Variants in ADGRB2 observed in about 807,000 individuals in gnomAD.
ADGRB2 encodes brain-specific angiogenesis inhibitor 2.
ADGRB2 carries 47 observed loss-of-function variants against 178.7 expected under a neutral mutation model. The observed-to-expected ratio is 0.26, with a 90% CI of 0.21 to 0.34. The LOEUF (loss-of-function observed/expected upper bound fraction) is 0.34. ADGRB2 is among the 10% of genes least tolerant of loss of function. The pLI is 1.00. For missense variants in ADGRB2, 1,584 were observed against 2,180.8 expected, an observed-to-expected ratio of 0.73 and a Z score of 5.45; for synonymous variants, 870 against 912.4, an observed-to-expected ratio of 0.95 and a Z score of 0.84.
Position 31,761,917 on chromosome 1 carries a change from G to A in ADGRB2, c.-191+1967C>T, listed in dbSNP as rs1165053311. ...AACTTCATTCTCCCAACAGCTATAT[G>A]AGGCAGTGATCACTGACCCATTTTA... On this transcript the variant is annotated intron_variant, in intron 1 of 32. Transcript: ENST00000373658. This position sits in a 1 kb window ranked among gnomAD's most constrained non-coding sequence, Gnocchi z 4.2. Among the ~76,000 whole-genome samples, 1 of 152,150 alleles carries A rather than the reference G, an allele frequency of 6.6e-6. No homozygotes were observed. Among genetic ancestry groups the A allele is most frequent in the Admixed American group, 6.5e-5 (1 of 15,280 alleles).
At chr1:31,737,953 C>A (rs966065882) in intron 18 of ADGRB2, among the ~76,000 whole-genome samples, 198 bp from the exon 19 acceptor site, 2 of 152,168 alleles carry the variant, frequency 1.3e-5, no homozygotes, top group Non-Finnish European at 2.9e-5. Flanking sequence ...CTGCACTCTT[C>A]TACACACAAC....
rs976022189 is a variant in ADGRB2 at position 31,761,193 on chromosome 1, G to A, written c.-191+2691C>T. On this transcript the variant is annotated intron_variant, in intron 1 of 32. Coordinates refer to ENST00000373658, the MANE Select transcript of ADGRB2 (RefSeq NM_001364857.2). The surrounding 1 kb of genome is among the most constrained non-coding windows in gnomAD (Gnocchi z 4.2). ...GTGATGAGGAGGCTGCCACTCCCCG[G>A]TGGGACCCAGGTCCGGCCACACTAC... Among the ~76,000 whole-genome samples, 3 of 152,316 alleles carry A rather than the reference G, an allele frequency of 2.0e-5. No homozygotes were observed. In the East Asian group the frequency reaches 5.8e-4, roughly 29 times the overall value.
In ADGRB2 at chr1:31,755,403, T is replaced by C. The variant is rs1646782560; in HGVS notation, c.838+596A>G. 6.6e-6 allele frequency among the ~76,000 whole-genome samples: 1 copy of C among 152,092 alleles called. No homozygotes were observed. ...GGTCCTGAGGGGGAAGACGGGACAC[T>C]GGGAGCTGAGCCAGCCCAGCCCTCC... On this transcript the variant is annotated intron_variant, in intron 4 of 32. Transcript: ENST00000373658. The surrounding 1 kb of genome is among the most constrained non-coding windows in gnomAD (Gnocchi z 5.1).
rs1362634701 is a variant in ADGRB2, at chr1:31,741,309, C to A, written c.1794+64G>T. 5 of 1,486,776 alleles carry A rather than the reference C, an allele frequency of 3.4e-6. No individual in the cohort carries two copies. In the East Asian group the frequency reaches 7.3e-5, roughly 22 times the overall value. The allele number at this position is 1,486,776 out of a possible 1,614,324, so 92.1% of individuals were successfully genotyped here. A position where few individuals can be genotyped will look rare whatever the true frequency, so the allele number is the denominator to read the frequency against. On this transcript the variant is annotated intron_variant, in intron 11 of 32. Coordinates refer to ENST00000373658, the MANE Select transcript of ADGRB2 (RefSeq NM_001364857.2). The surrounding 1 kb of genome is among the most constrained non-coding windows in gnomAD (Gnocchi z 6.5). The stretch of plus-strand genomic sequence containing the variant: ...TGGGAACGAGCGAGAATCACGCTCC[C>A]TCCACCCCCTAGCAGAGTCTGAGAC...
chr1:31,764,054 G>A lies in ADGRB2; in HGVS notation c.-361C>T, dbSNP rs1647130091. On this transcript the variant is annotated 5_prime_UTR_variant, in exon 1 of 33. Coordinates refer to ENST00000373658, the MANE Select transcript of ADGRB2 (RefSeq NM_001364857.2). This position sits in a 1 kb window ranked among gnomAD's most constrained non-coding sequence, Gnocchi z 7.3. ...GGGCGGCGGGTGCAGAAAAGGCGCC[G>A]CGGAGCAGCGCGGGGCGGGCGGGCG... is the stretch of plus-strand genomic sequence containing the variant. 4.1e-6 allele frequency: 4 copies of A among 969,608 alleles called. No homozygotes were observed. Among genetic ancestry groups the A allele is most frequent in the Non-Finnish European group, 4.9e-6 (4 of 820,846 alleles). The allele number at this position is 969,608 out of a possible 1,614,324, so 60.1% of individuals were successfully genotyped here.
chr1:31,729,442 G>A (rs1645165155), intron 29 of ADGRB2, among the ~76,000 whole-genome samples: 1 of 152,074 alleles, frequency 6.6e-6, no homozygotes, highest in Non-Finnish European at 1.5e-5. Context: ...TCTCTCCGCT[G>A]CCTACCCTGG....
At chr1:31,736,414 T>C (rs1298459872) in intron 21 of ADGRB2, 24 bp from the exon 22 acceptor site, 2 of 1,612,774 alleles carry the variant, frequency 1.2e-6, no homozygotes, top group Non-Finnish European at 1.7e-6. Flanking sequence ...GGTGCCAGAG[T>C]GAGATGGTTG....
In ADGRB2 at chr1:31,764,174, A is replaced by G. The variant is rs1426452739; in HGVS notation, c.-481T>C. The G allele has an allele frequency of 2.0e-6, 1 of 499,136 alleles. No homozygotes were observed. Among genetic ancestry groups the G allele is most frequent in the Non-Finnish European group, 2.5e-6 (1 of 392,266 alleles). The allele number at this position is 499,136 out of a possible 1,614,324, so 30.9% of individuals were successfully genotyped here. On this transcript the variant is annotated 5_prime_UTR_variant, in exon 1 of 33. Coordinates refer to ENST00000373658, the MANE Select transcript of ADGRB2 (RefSeq NM_001364857.2). This position sits in a 1 kb window ranked among gnomAD's most constrained non-coding sequence, Gnocchi z 7.3. ...GCTCCCCCGCTCCCCCGCCCCGAGCACCGCCCGCGCCGCGCGCCGCCTCCT... is the reference window on the plus strand; with the variant it reads ...GCTCCCCCGCTCCCCCGCCCCGAGCGCCGCCCGCGCCGCGCGCCGCCTCCT...
At chr1:31,760,128 G>A (rs1433312085) in intron 1 of ADGRB2, among the ~76,000 whole-genome samples, 1 of 152,156 alleles carries the variant, frequency 6.6e-6, no homozygotes, top group African/African-American at 2.4e-5. Context: ...TCCAAACCCA[G>A]GAAGACCACA....
Position 31,737,416 on chromosome 1 carries a change from A to G in ADGRB2, c.2979+13T>C. The G allele has an allele frequency of 6.2e-7, 1 of 1,609,048 alleles. No individual in the cohort carries two copies. Among genetic ancestry groups the G allele is most frequent in the Non-Finnish European group, 8.5e-7 (1 of 1,175,394 alleles). On this transcript the variant is annotated intron_variant, in intron 20 of 32. Coordinates refer to ENST00000373658, the MANE Select transcript of ADGRB2 (RefSeq NM_001364857.2). ...CACTCACACCCCTGGCAGCCCTGGAAGTCTGCACCTGCCTTGCTCAGCACC... is the reference window on the plus strand; with the variant it reads ...CACTCACACCCCTGGCAGCCCTGGAGGTCTGCACCTGCCTTGCTCAGCACC...
rs1557739567 is a variant in ADGRB2 at position 31,733,509 on chromosome 1, C to T, written c.3453-366G>A. Among the ~76,000 whole-genome samples, 1 of 152,140 alleles carries T rather than the reference C, an allele frequency of 6.6e-6. No individual in the cohort carries two copies. The highest frequency in any genetic ancestry group is 1.5e-5 in the Non-Finnish European group (1 of 68,034). ...AAATGCACGGGGCCGGGACGGCATC[C>T]CCAGAGCCTAACTGGGTAGGCTGGG... On this transcript the variant is annotated intron_variant, in intron 25 of 32. Coordinates refer to ENST00000373658, the MANE Select transcript of ADGRB2 (RefSeq NM_001364857.2). The surrounding 1 kb of genome is among the most constrained non-coding windows in gnomAD (Gnocchi z 4.3).
At chr1:31,730,732 C>G (rs747528751) in intron 29 of ADGRB2, 68 bp downstream of exon 29, 11 of 1,410,444 alleles carry the variant, frequency 7.8e-6, no homozygotes, top group Non-Finnish European at 1.0e-5. Context: ...ATGAGGCTGT[C>G]CCCTCCTGGC....
chr1:31,736,526 CT>C (rs113852985), intron 21 of ADGRB2, 46 bp downstream of exon 21: 35 of 1,602,844 alleles, frequency 2.2e-5, no homozygotes, highest in Admixed American at 1.3e-4. Context: ...CTTGCTGCCC[CT>C]GCCCACCAAG....
At chr1:31,760,086 T>G (rs960270367) in intron 1 of ADGRB2, among the ~76,000 whole-genome samples, 5 of 152,124 alleles carry the variant, frequency 3.3e-5, no homozygotes, top group African/African-American at 4.8e-5. Flanking sequence ...CTGGGAAGGC[T>G]CTTTGGGTTG....
In ADGRB2 at chr1:31,735,196, C is replaced by A. The variant is rs1243602070; in HGVS notation, c.3439G>T (p.Ala1147Ser). 8 of 1,387,514 alleles carry A rather than the reference C, an allele frequency of 5.8e-6. No individual in the cohort carries two copies. Among genetic ancestry groups the A allele is most frequent in the Non-Finnish European group, 1.9e-6 (2 of 1,062,210 alleles). The allele number at this position is 1,387,514 out of a possible 1,614,324, so 86.0% of individuals were successfully genotyped here. ...GGCACGACTAACATGGCGTTCCTGG[C>A]CGAGGCTGAGCTGAGCAGGGGGCTG... ...VPSPLLSSAS[A>S]RNAMASLWSS... The change falls in exon 25 of 33, where the codon GCC (alanine) becomes TCC (serine). Residue 1147 changes from alanine to serine, a missense_variant. Ala to Ser is a moderately conservative substitution (Grantham distance 99). Around this residue, in one of 3 missense-constraint regions of ADGRB2, gnomAD observed 865 missense variants for 1,192.8 expected, o/e 0.73. Coordinates refer to ENST00000373658, the MANE Select transcript of ADGRB2 (RefSeq NM_001364857.2). The surrounding 1 kb of genome is among the most constrained non-coding windows in gnomAD (Gnocchi z 6.0).
At position 31,744,041 on chromosome 1, in the gene ADGRB2, C is replaced by T; in HGVS notation, c.1087+152G>A. On this transcript the variant is annotated intron_variant, in intron 6 of 32. Coordinates refer to ENST00000373658, the MANE Select transcript of ADGRB2 (RefSeq NM_001364857.2). This position sits in a 1 kb window ranked among gnomAD's most constrained non-coding sequence, Gnocchi z 6.7. The stretch of plus-strand genomic sequence containing the variant: ...CCCCCAGTGCCCTGCACCGGGCTGG[C>T]ATGGTACGCAGAGTTGGGCATGGTG... 1 of 1,064,164 alleles carries T rather than the reference C, an allele frequency of 9.4e-7. No homozygotes were observed. Among genetic ancestry groups the T allele is most frequent in the Non-Finnish European group, 1.3e-6 (1 of 755,520 alleles). 65.9% of individuals were successfully genotyped at this position (1,064,164 alleles called of 1,614,324 possible). A position where few individuals can be genotyped will look rare whatever the true frequency, so the allele number is the denominator to read the frequency against.
Position 31,759,370 on chromosome 1 carries a change from C to G in ADGRB2, c.-190-1859G>C. On this transcript the variant is annotated intron_variant, in intron 1 of 32. Transcript: ENST00000373658. The surrounding 1 kb of genome is among the most constrained non-coding windows in gnomAD (Gnocchi z 4.3). ...CAGCATATGACAGCTAAGTGTCAGGCAGGATCCTCTGCGGGGTCTTCCTTT... is the reference window on the plus strand; with the variant it reads ...CAGCATATGACAGCTAAGTGTCAGGGAGGATCCTCTGCGGGGTCTTCCTTT... The G allele has an allele frequency of 1.3e-6, 1 of 779,698 alleles. No individual in the cohort carries two copies. The highest frequency in any genetic ancestry group is 2.4e-6 in the Non-Finnish European group (1 of 417,944). 48.3% of individuals were successfully genotyped at this position (779,698 alleles called of 1,614,324 possible). A position where few individuals can be genotyped will look rare whatever the true frequency, so the allele number is the denominator to read the frequency against.
chr1:31,753,637 A>C lies in ADGRB2; in HGVS notation c.838+2362T>G, dbSNP rs1386868965. 6.6e-6 allele frequency among the ~76,000 whole-genome samples: 1 copy of C among 152,208 alleles called. No individual in the cohort carries two copies. The highest frequency in any genetic ancestry group is 1.9e-4 in the East Asian group (1 of 5,196). On this transcript the variant is annotated intron_variant, in intron 4 of 32. Transcript: ENST00000373658. This position sits in a 1 kb window ranked among gnomAD's most constrained non-coding sequence, Gnocchi z 4.1. ...GTCTGGCAGCTGCAGGTGCCAGTCC[A>C]TTCTCCTGCAGCCCAGTGGGGAGGA...
At chr1:31,739,128 G>C in intron 15 of ADGRB2, 180 bp downstream of exon 15, 1 of 879,308 alleles carries the variant, frequency 1.1e-6, no homozygotes, top group Non-Finnish European at 1.7e-6. Flanking sequence ...TGGCAGCCCA[G>C]CCTCTGAGAG....
Sources: gnomAD v4.1 joint callset for allele counts (sites outside exome capture counted in the v4.1 genomes callset) on GRCh38, gnomAD v4.1.1 for gene constraint, gnomAD v4.1.1 regional missense constraint, Gnocchi (gnomAD v3.1) non-coding constraint, MANE v1.5 for transcripts, NCBI Gene and HGNC (gene_info 2026-07-23, HGNC 2026-07-21) for gene names.